The following ATG7 variants were observed in gnomAD, a reference collection of about 807,000 sequenced individuals.
ATG7 encodes autophagy related 7.
Under a neutral mutation model 82.4 loss-of-function variants are expected in ATG7, and 70 were observed. That is an observed-to-expected ratio of 0.85 (90% CI 0.70 to 1.04). The LOEUF (loss-of-function observed/expected upper bound fraction) is 1.04. Among genes scored for constraint, ATG7 ranks in the 50% least tolerant of loss-of-function variants. The pLI is 0.00. For missense variants in ATG7, 792 were observed against 864.3 expected, an observed-to-expected ratio of 0.92 and a Z score of 1.05; for synonymous variants, 287 against 313.0, an observed-to-expected ratio of 0.92 and a Z score of 0.88.
At chr3:11,525,171 C>T (rs1257458597) in intron 20 of ATG7, among the ~76,000 whole-genome samples, 1 of 149,962 alleles carries the variant, frequency 6.7e-6, no homozygotes. Context: ...GCTGGGACCA[C>T]AGGCGTGCAC....
chr3:11,376,651 A>C (rs957085006), intron 18 of ATG7, among the ~76,000 whole-genome samples: 1 of 152,202 alleles, frequency 6.6e-6, no homozygotes, highest in Non-Finnish European at 1.5e-5. Context: ...AAAAAAATTC[A>C]ATCCAAAATT....
chr3:11,422,955 A>G (rs1397921971), intron 19 of ATG7, among the ~76,000 whole-genome samples: 1 of 151,922 alleles, frequency 6.6e-6, no homozygotes, highest in Non-Finnish European at 1.5e-5. Context: ...GGGTTTCACC[A>G]TGTTGGCCAG....
At chr3:11,466,896 G>A (rs528717746) in intron 20 of ATG7, among the ~76,000 whole-genome samples, 2 of 152,136 alleles carry the variant, frequency 1.3e-5, no homozygotes, top group Non-Finnish European at 2.9e-5. Flanking sequence ...TTGGGAGGCC[G>A]AGGCGGGCAG....
intron 19 of ATG7, among the ~76,000 whole-genome samples, chr3:11,413,606 C>T (rs2081113116): frequency 6.6e-6 from 1 of 151,882 alleles, no homozygotes; most frequent in South Asian, 2.1e-4. Context: ...ATGAATTCAG[C>T]AAAGTAGCAG....
At chr3:11,558,426 G>T, downstream of ATG7, 1 of 1,387,248 alleles carries the variant, frequency 7.2e-7, no homozygotes, top group Admixed American at 2.7e-5. Context: ...CAACAACATG[G>T]TTTTTGCAAA....
intron 20 of ATG7, among the ~76,000 whole-genome samples, chr3:11,486,987 C>A (rs866183858): frequency 7.9e-5 from 12 of 151,626 alleles, no homozygotes; most frequent in Admixed American, 7.2e-4. Context: ...TGCGGCCTTC[C>A]GCAGTGTTTG....
At chr3:11,477,157 G>C in intron 20 of ATG7, 1 of 1,289,812 alleles carries the variant, frequency 7.8e-7, no homozygotes, top group Non-Finnish European at 1.0e-6. Flanking sequence ...TTCGGCTCTG[G>C]ATGAAGCAGG....
intron 20 of ATG7, among the ~76,000 whole-genome samples, chr3:11,519,551 T>TG (rs2092382208): frequency 3.4e-5 from 3 of 87,652 alleles, no homozygotes. Context: ...TTTTTTTTTT[T>TG]TTTTTTTTTT....
chr3:11,458,722 A>G (rs1208768143), intron 20 of ATG7, among the ~76,000 whole-genome samples: 1 of 152,232 alleles, frequency 6.6e-6, no homozygotes, highest in Non-Finnish European at 1.5e-5. Flanking sequence ...GGATAAAAAA[A>G]GAGAACTTGT....
At chr3:11,342,014 T>G in intron 12 of ATG7, 121 bp from the exon 13 acceptor site, 1 of 1,239,878 alleles carries the variant, frequency 8.1e-7, no homozygotes, top group Non-Finnish European at 1.1e-6. Context: ...TTTAATTTTC[T>G]TTTTCCTTTG....
At chr3:11,552,435 C>A (rs1041978390) in intron 20 of ATG7, among the ~76,000 whole-genome samples, 14 of 152,186 alleles carry the variant, frequency 9.2e-5, no homozygotes, top group Non-Finnish European at 1.9e-4. Flanking sequence ...ACACCAGTTG[C>A]ACTGCCAAGG....
intron 20 of ATG7, among the ~76,000 whole-genome samples, chr3:11,532,622 C>T (rs2092714108): frequency 6.6e-6 from 1 of 152,130 alleles, no homozygotes; most frequent in African/African-American, 2.4e-5. Context: ...ACTCAAGAGG[C>T]TGAGGCAGGA....
At chr3:11,569,000 A>G in the ATG7 span, 13 of 1,027,228 alleles carry the variant, frequency 1.3e-5, no homozygotes, top group Non-Finnish European at 1.4e-5. This position sits in a 1 kb window ranked among gnomAD's most constrained non-coding sequence, Gnocchi z 5.9. Flanking sequence ...ACCATCATCC[A>G]GGACAGAGCT....
At chr3:11,330,650 A>G (rs1331931139) in intron 9 of ATG7, among the ~76,000 whole-genome samples, 2 of 152,174 alleles carry the variant, frequency 1.3e-5, no homozygotes, top group Non-Finnish European at 2.9e-5. Flanking sequence ...AGAAGTCAGT[A>G]TCTGGGTGCT....
At chr3:11,328,188 T>C (rs989203180) in intron 9 of ATG7, among the ~76,000 whole-genome samples, 1 of 152,246 alleles carries the variant, frequency 6.6e-6, no homozygotes, top group Admixed American at 6.5e-5. Context: ...GCTCTATGTA[T>C]GTGCTGGACT....
At chr3:11,499,345 TC>T (rs1234334269) in intron 20 of ATG7, among the ~76,000 whole-genome samples, 1 of 152,150 alleles carries the variant, frequency 6.6e-6, no homozygotes, top group Admixed American at 6.5e-5. Flanking sequence ...AGATATGAGA[TC>T]ATCAGAAGGA....
At chr3:11,509,698 TATG>T (rs1376782877) in intron 20 of ATG7, among the ~76,000 whole-genome samples, 2 of 152,166 alleles carry the variant, frequency 1.3e-5, no homozygotes, top group East Asian at 3.9e-4. Flanking sequence ...ACTAGGAAAA[TATG>T]ATTCTGTTAA....
chr3:11,291,015 C>T (rs750944832), intron 3 of ATG7, among the ~76,000 whole-genome samples: 21 of 152,138 alleles, frequency 1.4e-4, no homozygotes, highest in Admixed American at 7.9e-4. Flanking sequence ...CATCCTTAGT[C>T]GCTTTTACCC....
chr3:11,316,006 A>G (rs933217287), intron 9 of ATG7, among the ~76,000 whole-genome samples: 10 of 152,192 alleles, frequency 6.6e-5, no homozygotes, highest in Non-Finnish European at 1.5e-4. Flanking sequence ...GGTGTGAGCC[A>G]CTGTGCCCAG....
Sources: gnomAD v4.1 joint callset for allele counts (sites outside exome capture counted in the v4.1 genomes callset) on GRCh38, gnomAD v4.1.1 for gene constraint, Gnocchi (gnomAD v3.1) non-coding constraint, MANE v1.5 for transcripts, NCBI Gene and HGNC (gene_info 2026-07-23, HGNC 2026-07-21) for gene names.